GREM2: variants seen among roughly 807,000 people sequenced by gnomAD.
GREM2 encodes the protein gremlin 2, DAN family BMP antagonist, also known as gremlin-2.
In GREM2, 11 loss-of-function variants were observed where a neutral mutation model predicts 14.2. That is an observed-to-expected ratio of 0.78 (90% CI 0.49 to 1.28). The LOEUF (loss-of-function observed/expected upper bound fraction) is 1.28, where lower values mean the gene tolerates loss of function less well. Among genes scored for constraint, GREM2 ranks in the 50% most tolerant of loss-of-function variants. GREM2 has a pLI of 0.00. For synonymous variants in GREM2, 98 were observed against 97.6 expected (o/e 1.00, Z -0.02); for missense variants, 210 against 218.5 (o/e 0.96, Z 0.24).
At chr1:240,556,083 T>A (rs1678948910) in intron 1 of GREM2, among the ~76,000 whole-genome samples, 1 of 152,230 alleles carries the variant, frequency 6.6e-6, no homozygotes, top group Non-Finnish European at 1.5e-5. Flanking sequence ...TTAGCCATCA[T>A]TTATTATCAA....
chr1:240,549,366 A>G (rs1678800574), intron 1 of GREM2, among the ~76,000 whole-genome samples: 2 of 151,950 alleles, frequency 1.3e-5, no homozygotes, highest in South Asian at 4.1e-4. Context: ...GAAAGAAAGC[A>G]AAAAGTGTGC....
chr1:240,593,839 G>A (rs189701712), intron 1 of GREM2, among the ~76,000 whole-genome samples: 46 of 152,002 alleles, frequency 3.0e-4, no homozygotes, highest in African/African-American at 8.7e-4. Context: ...TCTCCTTGCC[G>A]TTTCTTTGCT....
chr1:240,574,027 C>G (rs1388088525), intron 1 of GREM2, among the ~76,000 whole-genome samples: 1 of 152,142 alleles, frequency 6.6e-6, no homozygotes, highest in Non-Finnish European at 1.5e-5. Flanking sequence ...TCAGGTGATT[C>G]TCCTTGCCTC....
intron 1 of GREM2, among the ~76,000 whole-genome samples, chr1:240,503,322 T>TC (rs1433850636): frequency 6.6e-6 from 1 of 152,190 alleles, no homozygotes. Context: ...CACTTCTTAA[T>TC]CCCACTGTTA....
chr1:240,585,247 G>T (rs1043013733), intron 1 of GREM2, among the ~76,000 whole-genome samples: 1 of 152,086 alleles, frequency 6.6e-6, no homozygotes, highest in Non-Finnish European at 1.5e-5. Context: ...CGAGGGTGCA[G>T]TTTAAAGGAG....
In GREM2 at chr1:240,543,499, G is replaced by T. The variant is rs897590793; in HGVS notation, c.-1-50023C>A. 2.0e-5 allele frequency among the ~76,000 whole-genome samples: 3 copies of T among 152,068 alleles called. No homozygotes were observed. The highest frequency in any genetic ancestry group is 4.4e-5 in the Non-Finnish European group (3 of 68,028). On this transcript the variant is annotated intron_variant, in intron 1 of 1. Coordinates refer to ENST00000318160, the MANE Select transcript of GREM2 (RefSeq NM_022469.4). This position sits in a 1 kb window ranked among gnomAD's most constrained non-coding sequence, Gnocchi z 6.4. ...TTCACTACCATGATAACAGTAGGGG[G>T]GAAACCGCCCTTGTGATTCAATTAT...
At chr1:240,551,548 A>G (rs983422724) in intron 1 of GREM2, among the ~76,000 whole-genome samples, 15 of 151,668 alleles carry the variant, frequency 9.9e-5, no homozygotes, top group Non-Finnish European at 1.9e-4. Context: ...GGGGTTTCAC[A>G]TGTTGGCCAG....
intron 1 of GREM2, among the ~76,000 whole-genome samples, chr1:240,499,573 C>G (rs532779704): frequency 6.6e-6 from 1 of 152,288 alleles, no homozygotes; most frequent in Non-Finnish European, 1.5e-5. Context: ...GGCACTTCAT[C>G]GATGACTTGG....
At chr1:240,574,045 C>T (rs1572405136) in intron 1 of GREM2, among the ~76,000 whole-genome samples, 1 of 152,052 alleles carries the variant, frequency 6.6e-6, no homozygotes, top group East Asian at 1.9e-4. Context: ...CTCAGCCTCC[C>T]AAGTAGCTGG....
At chr1:240,577,838 C>T (rs1679401223) in intron 1 of GREM2, among the ~76,000 whole-genome samples, 1 of 152,164 alleles carries the variant, frequency 6.6e-6, no homozygotes, top group African/African-American at 2.4e-5. Flanking sequence ...GAAAATAAAT[C>T]AGGCTCAGAC....
chr1:240,579,654 A>C (rs1679446156), intron 1 of GREM2, among the ~76,000 whole-genome samples: 2 of 152,198 alleles, frequency 1.3e-5, no homozygotes, highest in African/African-American at 4.8e-5. Flanking sequence ...ATGAGTAACT[A>C]TAATATGAAT....
chr1:240,521,580 C>CA (rs1395429464), intron 1 of GREM2, among the ~76,000 whole-genome samples: 11 of 151,412 alleles, frequency 7.3e-5, no homozygotes, highest in Admixed American at 2.0e-4. Context: ...CAAAAAAAAA[C>CA]AAAAAAACAA....
intron 1 of GREM2, among the ~76,000 whole-genome samples, chr1:240,587,228 A>C (rs1234289542): frequency 6.6e-6 from 1 of 152,032 alleles, no homozygotes; most frequent in African/African-American, 2.4e-5. Context: ...ATAAATATGT[A>C]CTCCCAGATT....
chr1:240,563,303 TA>T (rs965320428), intron 1 of GREM2, among the ~76,000 whole-genome samples: 1 of 151,882 alleles, frequency 6.6e-6, no homozygotes, highest in Non-Finnish European at 1.5e-5. Flanking sequence ...TGCAGTGTTC[TA>T]AAAAAAATAT....
chr1:240,514,601 T>A (rs561708788), intron 1 of GREM2, among the ~76,000 whole-genome samples: 13 of 152,130 alleles, frequency 8.5e-5, no homozygotes, highest in African/African-American at 3.1e-4. Flanking sequence ...AAAAGTACTA[T>A]CAACTTTAAC....
chr1:240,555,151 A>G (rs1246990797), intron 1 of GREM2, among the ~76,000 whole-genome samples: 2 of 39,480 alleles, frequency 5.1e-5, no homozygotes. Flanking sequence ...ATCTCAAAAA[A>G]AAGAAAGAAA....
At chr1:240,497,915 T>C (rs886206606) in intron 1 of GREM2, among the ~76,000 whole-genome samples, 2 of 152,156 alleles carry the variant, frequency 1.3e-5, no homozygotes, top group African/African-American at 4.8e-5. Flanking sequence ...ATTTCCGAAA[T>C]TATTAACATT....
At chr1:240,552,616 T>C (rs1379815326) in intron 1 of GREM2, among the ~76,000 whole-genome samples, 1 of 152,180 alleles carries the variant, frequency 6.6e-6, no homozygotes, top group African/African-American at 2.4e-5. Context: ...AGGCAGTTTT[T>C]GCTGGAGCAA....
chr1:240,560,364 C>G (rs909749849), intron 1 of GREM2, among the ~76,000 whole-genome samples: 1 of 152,074 alleles, frequency 6.6e-6, no homozygotes, highest in East Asian at 1.9e-4. Context: ...AAATCATGAC[C>G]TTGAGGACAC....
Sources: gnomAD v4.1 joint callset for allele counts (sites outside exome capture counted in the v4.1 genomes callset) on GRCh38, gnomAD v4.1.1 for gene constraint, Gnocchi (gnomAD v3.1) non-coding constraint, MANE v1.5 for transcripts, NCBI Gene and HGNC (gene_info 2026-07-23, HGNC 2026-07-21) for gene names.